Variants in AGMO observed in about 807,000 individuals in gnomAD.
AGMO encodes glyceryl-ether monooxygenase.
In AGMO, 75 loss-of-function variants were observed where a neutral mutation model predicts 60.2. The observed-to-expected ratio is 1.25, with a 90% CI of 1.03 to 1.51. The LOEUF is 1.51. Ranked by LOEUF, AGMO falls within the 40% of genes most tolerant of loss-of-function variation. AGMO has a pLI of 0.00. For missense variants in AGMO, 763 were observed against 525.5 expected, an observed-to-expected ratio of 1.45 and a Z score of -4.42; for synonymous variants, 261 against 177.1, an observed-to-expected ratio of 1.47 and a Z score of -3.76.
rs546366737 is a variant in AGMO, at chr7:15,518,039, A to T, written c.409+26733T>A. Among the ~76,000 whole-genome samples the T allele has an allele frequency of 3.9e-5, 6 of 152,276 alleles. No homozygotes were observed. The East Asian group carries it at 1.2e-3, about 29-fold the overall frequency. The stretch of plus-strand genomic sequence containing the variant: ...AGTAGGTGGTTTTCACAGTGTAAAA[A>T]AGCCACCAGGAATTTCGGACTGGGC... On this transcript the variant is annotated intron_variant, in intron 3 of 12. Transcript: ENST00000342526.
chr7:15,129,037 G>A, the AGMO span, among the ~76,000 whole-genome samples: 1 of 152,084 alleles, frequency 6.6e-6, no homozygotes, highest in East Asian at 1.9e-4. Context: ...CTTACTAGAA[G>A]TGGGGCATCC....
intron 12 of AGMO, among the ~76,000 whole-genome samples, chr7:15,298,581 T>C (rs558282536): frequency 1.3e-5 from 2 of 152,204 alleles, no homozygotes; most frequent in African/African-American, 2.4e-5. Flanking sequence ...TGTGTATTTT[T>C]TGAAGAGACT....
intron 3 of AGMO, among the ~76,000 whole-genome samples, chr7:15,471,237 T>C (rs939255039): frequency 6.6e-6 from 1 of 151,980 alleles, no homozygotes; most frequent in Non-Finnish European, 1.5e-5. Flanking sequence ...GGAGGTGAGC[T>C]ATTAAATACC....
At chr7:15,212,092 A>G (rs1052796784) in intron 12 of AGMO, among the ~76,000 whole-genome samples, 2 of 151,990 alleles carry the variant, frequency 1.3e-5, no homozygotes, top group African/African-American at 4.8e-5. Flanking sequence ...TCTGCTAGAC[A>G]ATCAAAACTC....
chr7:15,166,871 T>C, the AGMO span, among the ~76,000 whole-genome samples: 2 of 152,168 alleles, frequency 1.3e-5, no homozygotes, highest in Non-Finnish European at 2.9e-5. Context: ...GAGAAGTCTT[T>C]GGATGGAGCA....
chr7:15,355,976 T>C (rs1782514776), intron 12 of AGMO, among the ~76,000 whole-genome samples: 1 of 101,120 alleles, frequency 9.9e-6, no homozygotes, highest in Non-Finnish European at 1.9e-5. Context: ...TCAAACATAA[T>C]GATCCACCCA....
At chr7:15,483,598 C>CA (rs1782825990) in intron 3 of AGMO, among the ~76,000 whole-genome samples, 2 of 147,968 alleles carry the variant, frequency 1.4e-5, no homozygotes, top group East Asian at 2.0e-4. Flanking sequence ...AACAAACAAA[C>CA]AAAAAACCAT....
chr7:15,531,360 ATATATATATTCTATATATATTC>A (rs1562557097), intron 3 of AGMO, among the ~76,000 whole-genome samples: 2 of 20,898 alleles, frequency 9.6e-5, no homozygotes, highest in Non-Finnish European at 1.7e-4. Context: ...TATATATTCT[ATATATATATTCTATATATATTC>A]TATATATATT....
chr7:15,553,380 CAA>C (rs1347621232), intron 2 of AGMO, among the ~76,000 whole-genome samples: 1 of 150,512 alleles, frequency 6.6e-6, no homozygotes, highest in Non-Finnish European at 1.5e-5. Flanking sequence ...AAGATTAAAA[CAA>C]AGTGTAGTAG....
chr7:15,238,983 G>T (rs932211611), intron 12 of AGMO, among the ~76,000 whole-genome samples: 1 of 151,934 alleles, frequency 6.6e-6, no homozygotes, highest in African/African-American at 2.4e-5. Context: ...AGTATTATCC[G>T]CCATTTTACA....
At chr7:15,247,414 TCACACACACACACACA>T (rs71525649) in intron 12 of AGMO, among the ~76,000 whole-genome samples, 12 of 123,740 alleles carry the variant, frequency 9.7e-5, no homozygotes, top group Admixed American at 7.0e-4. Context: ...CTTGGAGATT[TCACACACACACACACA>T]CACACACACA....
At chr7:15,345,078 A>AC (rs775367554) in intron 12 of AGMO, among the ~76,000 whole-genome samples, 12 of 152,094 alleles carry the variant, frequency 7.9e-5, no homozygotes, top group Non-Finnish European at 1.8e-4. Flanking sequence ...TATTATACCT[A>AC]CCTCCACCAA....
At chr7:15,467,742 T>A (rs1386981507) in intron 3 of AGMO, among the ~76,000 whole-genome samples, 1 of 152,202 alleles carries the variant, frequency 6.6e-6, no homozygotes, top group African/African-American at 2.4e-5. Flanking sequence ...TGGGATTTGT[T>A]AAATAAATCT....
chr7:15,144,294 C>A, the AGMO span, among the ~76,000 whole-genome samples: 1 of 152,026 alleles, frequency 6.6e-6, no homozygotes, highest in African/African-American at 2.4e-5. Context: ...ACAGGTCTGA[C>A]TTTTTCAATA....
intron 6 of AGMO, among the ~76,000 whole-genome samples, chr7:15,393,059 T>G (rs948403606): frequency 1.3e-5 from 2 of 152,234 alleles, no homozygotes; most frequent in Non-Finnish European, 2.9e-5. Context: ...TGGATCACAT[T>G]TGCATCACTG....
chr7:15,352,604 G>A lies in AGMO; in HGVS notation c.1263+12910C>T, dbSNP rs574100738. Among the ~76,000 whole-genome samples, 17 of 152,098 alleles carry A rather than the reference G, an allele frequency of 1.1e-4. No individual in the cohort carries two copies. The South Asian group carries it at 3.5e-3, about 32-fold the overall frequency. ...TGGCAATTTTACGGTCAATTGGCGGGAGCATCTGGAACCAGACATTCTGGC... is the reference window on the plus strand; with the variant it reads ...TGGCAATTTTACGGTCAATTGGCGGAAGCATCTGGAACCAGACATTCTGGC... On this transcript the variant is annotated intron_variant, in intron 12 of 12. Coordinates refer to ENST00000342526, the MANE Select transcript of AGMO (RefSeq NM_001004320.2).
intron 12 of AGMO, among the ~76,000 whole-genome samples, chr7:15,234,530 T>C (rs1211167110): frequency 6.6e-6 from 1 of 152,188 alleles, no homozygotes. Context: ...ACCCAATCTC[T>C]TTTTGGTTTT....
At chr7:15,414,004 T>G (rs939577655) in intron 5 of AGMO, among the ~76,000 whole-genome samples, 1 of 152,152 alleles carries the variant, frequency 6.6e-6, no homozygotes, top group Non-Finnish European at 1.5e-5. Context: ...TTTATTTATT[T>G]GTTTATTTTT....
the AGMO span, among the ~76,000 whole-genome samples, chr7:15,140,520 T>C: frequency 6.6e-6 from 1 of 152,182 alleles, no homozygotes; most frequent in Admixed American, 6.5e-5. Flanking sequence ...TAATTAGACA[T>C]ATTTCAGGAC....
Sources: allele counts gnomAD v4.1 joint callset (sites outside exome capture counted in the v4.1 genomes callset), GRCh38; gene constraint gnomAD v4.1.1; transcripts MANE v1.5; gene names NCBI Gene and HGNC (gene_info 2026-07-23, HGNC 2026-07-21).